The following GRIK5 variants were observed in gnomAD, a reference collection of about 807,000 sequenced individuals.
GRIK5 encodes the protein glutamate ionotropic receptor kainate type subunit 5.
Under a neutral mutation model 97.4 loss-of-function variants are expected in GRIK5, and 43 were observed. The observed-to-expected ratio is 0.44, with a 90% CI of 0.35 to 0.57. The LOEUF (loss-of-function observed/expected upper bound fraction) is 0.57. Ranked by LOEUF, GRIK5 falls within the 20% of genes least tolerant of loss-of-function variation. GRIK5 has a pLI of 0.01. For synonymous variants in GRIK5, 580 were observed against 583.5 expected (o/e 0.99, Z 0.09); for missense variants, 1,015 against 1,382.0 (o/e 0.73, Z 4.21).
rs980349474 is a variant in GRIK5, at chr19:42,065,988, T to C, written c.-50-168A>G. 3.3e-5 allele frequency among the ~76,000 whole-genome samples: 5 copies of C among 152,146 alleles called. No homozygotes were observed. The highest frequency in any genetic ancestry group is 4.8e-5 in the African/African-American group (2 of 41,504). ...TTAGAAGCTGGCAATACTGAGGGCA[T>C]TGCAAGAAGGGAAGCTCAGCTCAGA... On this transcript the variant is annotated intron_variant, in intron 1 of 19. Transcript: ENST00000593562. This position sits in a 1 kb window ranked among gnomAD's most constrained non-coding sequence, Gnocchi z 5.8.
Position 42,003,304 on chromosome 19 carries a change from T to TGGG in GRIK5, c.2514+27_2514+28insCCC. The TGGG allele has an allele frequency of 7.0e-6, 11 of 1,578,320 alleles. No individual in the cohort carries two copies. Among genetic ancestry groups the TGGG allele is most frequent in the Non-Finnish European group, 9.6e-6 (11 of 1,151,078 alleles). ...CTCAGCCCCTGGGGGTCCCTGTTCC[T>TGGG]GCCCACCCCCACCCCCAGCCTCCTC... On this transcript the variant is annotated intron_variant, in intron 19 of 19. Transcript: ENST00000593562. This position sits in a 1 kb window ranked among gnomAD's most constrained non-coding sequence, Gnocchi z 4.2.
chr19:42,053,541 T>C, intron 11 of GRIK5, 61 bp downstream of exon 11: 1 of 997,422 alleles, frequency 1.0e-6, no homozygotes, highest in South Asian at 1.3e-5. Context: ...CACCTCACGG[T>C]GGGAGCTAGG....
Position 42,006,911 on chromosome 19 carries a change from G to A in GRIK5, c.1872-101C>T, listed in dbSNP as rs960221862. On this transcript the variant is annotated intron_variant, in intron 15 of 19. Coordinates refer to ENST00000593562, the MANE Select transcript of GRIK5 (RefSeq NM_002088.5). The surrounding 1 kb of genome is among the most constrained non-coding windows in gnomAD (Gnocchi z 5.3). The stretch of plus-strand genomic sequence containing the variant: ...GTGGTGCCCCTCCCAAGTGACCCCA[G>A]CATCTGGAAGACTCAGTGACTGCTG... 2.5e-6 allele frequency: 2 copies of A among 787,122 alleles called. No individual in the cohort carries two copies. Among genetic ancestry groups the A allele is most frequent in the Non-Finnish European group, 3.9e-6 (2 of 506,398 alleles). The allele number at this position is 787,122 out of a possible 1,614,324, so 48.8% of individuals were successfully genotyped here.
chr19:42,062,843 A>G lies in GRIK5; in HGVS notation c.257T>C (p.Leu86Ser). ...YETTDTMCQI[L>S]PKGVVSVLGP... ...AAGGACAGACACAACCCCTTTGGGT[A>G]AGATCTGACACACTGCGTGGGAAGG... Residue 86 changes from leucine (L) to serine (S), a missense_variant, in exon 4 of 20, where the codon TTA becomes TCA. Leu to Ser is a moderately radical substitution (Grantham distance 145). This residue lies in a region of GRIK5 where 198 missense variants were observed against 218.2 expected (regional missense o/e 0.91). Transcript: ENST00000593562. The surrounding 1 kb of genome is among the most constrained non-coding windows in gnomAD (Gnocchi z 5.3). 1 of 1,613,024 alleles carries G rather than the reference A, an allele frequency of 6.2e-7. No individual in the cohort carries two copies. The highest frequency in any genetic ancestry group is 8.5e-7 in the Non-Finnish European group (1 of 1,178,994).
chr19:42,051,450 C>T (rs1480339460), intron 11 of GRIK5, among the ~76,000 whole-genome samples: 1 of 152,168 alleles, frequency 6.6e-6, no homozygotes, highest in Non-Finnish European at 1.5e-5. Context: ...CCAGATCTGG[C>T]CCCGCCCCTT....
intron 12 of GRIK5, among the ~76,000 whole-genome samples, chr19:42,025,483 T>C (rs909339950): frequency 2.0e-5 from 3 of 152,062 alleles, no homozygotes; most frequent in African/African-American, 7.2e-5. Context: ...CAGTGAGTCC[T>C]TGAACCTCTG....
chr19:42,037,704 T>C (rs73932864), intron 12 of GRIK5, among the ~76,000 whole-genome samples: 3,143 of 152,272 alleles, frequency 0.021, 107 homozygotes, highest in African/African-American at 0.071. Context: ...GCCCAGGGTG[T>C]AGGTGGCTGA....
At chr19:42,068,102 A>G (rs934460588) in intron 1 of GRIK5, among the ~76,000 whole-genome samples, 5 of 152,180 alleles carry the variant, frequency 3.3e-5, no homozygotes, top group East Asian at 1.9e-4. Flanking sequence ...GAGAGACAGT[A>G]TGTCGGAGCT....
intron 15 of GRIK5, among the ~76,000 whole-genome samples, chr19:42,015,790 G>T (rs1188298312): frequency 6.6e-6 from 1 of 152,096 alleles, no homozygotes; most frequent in African/African-American, 2.4e-5. Flanking sequence ...CTCCCTCCTG[G>T]CAAGTAAGAA....
chr19:42,059,013 G>A (rs1293616863), intron 6 of GRIK5, among the ~76,000 whole-genome samples: 1 of 151,948 alleles, frequency 6.6e-6, no homozygotes, highest in Non-Finnish European at 1.5e-5. Flanking sequence ...CTCGCTCTCT[G>A]GGCTTGAGCC....
rs2076232534 is a variant in GRIK5, at chr19:42,059,539, G to A, written c.509-12C>T. 6.2e-7 allele frequency: 1 copy of A among 1,606,196 alleles called. No individual in the cohort carries two copies. Among genetic ancestry groups the A allele is most frequent in the South Asian group, 1.1e-5 (1 of 90,996 alleles). Reference sequence around the variant, plus strand: ...CAATCGCAGCAGGCCTGAGGGAGGGGTGGGGCCTTGGGTTGGAGCCCTTCT... The same window carrying A: ...CAATCGCAGCAGGCCTGAGGGAGGGATGGGGCCTTGGGTTGGAGCCCTTCT... On this transcript the variant is annotated splice_polypyrimidine_tract_variant and intron_variant, in intron 5 of 19. Coordinates refer to ENST00000593562, the MANE Select transcript of GRIK5 (RefSeq NM_002088.5).
intron 15 of GRIK5, among the ~76,000 whole-genome samples, chr19:42,012,830 G>A (rs897820108): frequency 6.7e-6 from 1 of 150,358 alleles, no homozygotes; most frequent in African/African-American, 2.5e-5. Context: ...TTGTACCACT[G>A]TACTCCAGCC....
chr19:42,003,304 T>TGGGGG lies in GRIK5; in HGVS notation c.2514+27_2514+28insCCCCC. ...CTCAGCCCCTGGGGGTCCCTGTTCC[T>TGGGGG]GCCCACCCCCACCCCCAGCCTCCTC... is the stretch of plus-strand genomic sequence containing the variant. On this transcript the variant is annotated intron_variant, in intron 19 of 19. Coordinates refer to ENST00000593562, the MANE Select transcript of GRIK5 (RefSeq NM_002088.5). The surrounding 1 kb of genome is among the most constrained non-coding windows in gnomAD (Gnocchi z 4.2). The TGGGGG allele has an allele frequency of 1.9e-6, 3 of 1,578,374 alleles. No individual in the cohort carries two copies. The highest frequency in any genetic ancestry group is 2.6e-6 in the Non-Finnish European group (3 of 1,151,130).
Position 42,065,620 on chromosome 19 carries a change from A to G in GRIK5, c.79+72T>C. ...AGAGCTGAGACCTGGACCCTGACGG[A>G]CTGGCATGCCTGGGTCCCCAGAGGA... On this transcript the variant is annotated intron_variant, in intron 2 of 19. Coordinates refer to ENST00000593562, the MANE Select transcript of GRIK5 (RefSeq NM_002088.5). This position sits in a 1 kb window ranked among gnomAD's most constrained non-coding sequence, Gnocchi z 5.8. 7.9e-7 allele frequency: 1 copy of G among 1,262,360 alleles called. No homozygotes were observed. The highest frequency in any genetic ancestry group is 1.1e-6 in the Non-Finnish European group (1 of 905,162). The allele number at this position is 1,262,360 out of a possible 1,614,324, so 78.2% of individuals were successfully genotyped here. A position where few individuals can be genotyped will look rare whatever the true frequency, so the allele number is the denominator to read the frequency against.
At chr19:42,028,276 G>T (rs1001969957) in intron 12 of GRIK5, among the ~76,000 whole-genome samples, 53 of 152,256 alleles carry the variant, frequency 3.5e-4, no homozygotes, top group Admixed American at 5.9e-4. Flanking sequence ...TGATGGGGGG[G>T]GGGTGTCATC....
chr19:42,068,623 G>C, intron 1 of GRIK5: 1 of 426,450 alleles, frequency 2.3e-6, no homozygotes, highest in Non-Finnish European at 4.1e-6. Context: ...AATAGAAAGA[G>C]AAATGGAAAG....
At chr19:42,034,433 C>A (rs912069245) in intron 12 of GRIK5, among the ~76,000 whole-genome samples, 3 of 152,074 alleles carry the variant, frequency 2.0e-5, no homozygotes, top group African/African-American at 7.2e-5. Context: ...GACTGTGAGG[C>A]CCTGGGATGT....
intron 15 of GRIK5, among the ~76,000 whole-genome samples, chr19:42,019,547 A>C (rs1267245445): frequency 6.6e-6 from 1 of 152,206 alleles, no homozygotes; most frequent in Non-Finnish European, 1.5e-5. Context: ...CCCAGAACAC[A>C]TGAAGATGTG....
chr19:42,031,041 T>A (rs1568903183), intron 12 of GRIK5, among the ~76,000 whole-genome samples: 1 of 152,188 alleles, frequency 6.6e-6, no homozygotes, highest in East Asian at 1.9e-4. Flanking sequence ...CCCTTGGAAA[T>A]TGGTATGGAG....
Sources: gnomAD v4.1 joint callset for allele counts (sites outside exome capture counted in the v4.1 genomes callset) on GRCh38, gnomAD v4.1.1 for gene constraint, gnomAD v4.1.1 regional missense constraint, Gnocchi (gnomAD v3.1) non-coding constraint, MANE v1.5 for transcripts, NCBI Gene and HGNC (gene_info 2026-07-23, HGNC 2026-07-21) for gene names.